Variants in EXOC2 observed in about 807,000 individuals in gnomAD.
The protein encoded by EXOC2 is SEC5-like 1.
A neutral mutation model predicts 131.8 loss-of-function variants in EXOC2; 70 were observed. The ratio of observed to expected loss-of-function variants is 0.53; its 90% CI spans 0.44 to 0.65. EXOC2 has a LOEUF of 0.65. Ranked by LOEUF, EXOC2 falls within the 30% of genes least tolerant of loss-of-function variation. EXOC2 has a pLI of 0.00. For synonymous variants in EXOC2, 411 were observed against 398.4 expected, an observed-to-expected ratio of 1.03 and a Z score of -0.38; for missense variants, 923 against 1,108.6, an observed-to-expected ratio of 0.83 and a Z score of 2.38.
rs879159059 is a variant in EXOC2, at chr6:488,910, G to T, written c.2681+69C>A. The T allele has an allele frequency of 1.7e-5, 24 of 1,445,356 alleles. No homozygotes were observed. The South Asian group carries it at 2.0e-4, about 12-fold the overall frequency. 89.5% of individuals were successfully genotyped at this position (1,445,356 alleles called of 1,614,324 possible). Reference sequence around the variant, plus strand: ...AGAATCCAAATCATTATTTTTAAAAGGTATTTTAGGAAACAAAACCTTGTT... The same window carrying T: ...AGAATCCAAATCATTATTTTTAAAATGTATTTTAGGAAACAAAACCTTGTT... On this transcript the variant is annotated intron_variant, in intron 27 of 27. Coordinates refer to ENST00000230449, the MANE Select transcript of EXOC2 (RefSeq NM_018303.6).
rs529474611 is a variant in EXOC2, at chr6:564,545, C to T, written c.1667G>A (p.Arg556Lys). 1 of 1,614,160 alleles carries T rather than the reference C, an allele frequency of 6.2e-7. No homozygotes were observed. Among genetic ancestry groups the T allele is most frequent in the Non-Finnish European group, 8.5e-7 (1 of 1,180,032 alleles). ...TCTCTGAGAATGTGTCCATACTCACCTTACAGTCTGGATGGCGTGAGCGAG... is the reference window on the plus strand; with the variant it reads ...TCTCTGAGAATGTGTCCATACTCACTTTACAGTCTGGATGGCGTGAGCGAG... ...QWLAHAIQTV[R>K]LTHESLTALE... Residue 556 changes from arginine (R) to lysine (K), a missense_variant and splice_region_variant, in exon 15 of 28, where the codon AGA becomes AAA. Coordinates refer to ENST00000230449, the MANE Select transcript of EXOC2 (RefSeq NM_018303.6).
intron 1 of EXOC2, among the ~76,000 whole-genome samples, chr6:690,967 C>T (rs1764897941): frequency 6.6e-6 from 1 of 152,098 alleles, no homozygotes; most frequent in Non-Finnish European, 1.5e-5. Flanking sequence ...TCAACAGTGA[C>T]CTAAAATTCA....
At chr6:608,893 C>T (rs1760572260) in intron 7 of EXOC2, among the ~76,000 whole-genome samples, 1 of 152,182 alleles carries the variant, frequency 6.6e-6, no homozygotes, top group Non-Finnish European at 1.5e-5. Flanking sequence ...CTTCCAAGAT[C>T]TTAAAATGTC....
At chr6:502,012 C>T (rs1764238301) in intron 23 of EXOC2, among the ~76,000 whole-genome samples, 1 of 152,170 alleles carries the variant, frequency 6.6e-6, no homozygotes. Context: ...ACTGCTCCCG[C>T]TGCTGTGGGG....
chr6:578,796 AG>A (rs1157028003), intron 11 of EXOC2, among the ~76,000 whole-genome samples: 1 of 152,228 alleles, frequency 6.6e-6, no homozygotes, highest in African/African-American at 2.4e-5. Flanking sequence ...AATACAGTGA[AG>A]AAAGTATTTT....
At chr6:541,627 C>T (rs565336456) in intron 22 of EXOC2, among the ~76,000 whole-genome samples, 6 of 151,970 alleles carry the variant, frequency 3.9e-5, no homozygotes, top group Admixed American at 1.3e-4. Flanking sequence ...CACATCGCAG[C>T]TGAGGTTGAA....
intron 7 of EXOC2, among the ~76,000 whole-genome samples, chr6:609,079 G>C (rs536281484): frequency 6.6e-6 from 1 of 152,308 alleles, no homozygotes; most frequent in Non-Finnish European, 1.5e-5. Context: ...CCTAAATTTA[G>C]AATGAAATCC....
chr6:630,644 C>A (rs900318225), intron 3 of EXOC2, among the ~76,000 whole-genome samples: 1 of 152,130 alleles, frequency 6.6e-6, no homozygotes, highest in Non-Finnish European at 1.5e-5. Flanking sequence ...CTTTTATTTT[C>A]TTTTCCTCTA....
chr6:578,499 C>CT (rs1237655038), intron 11 of EXOC2, among the ~76,000 whole-genome samples: 2 of 152,184 alleles, frequency 1.3e-5, no homozygotes, highest in African/African-American at 4.8e-5. Flanking sequence ...TAAGAAAAGG[C>CT]TTGATCTGAC....
rs1190901395 is a variant in EXOC2 at position 569,528 on chromosome 6, G to A, written c.1443+2992C>T. ...TTTAAAAACTATCATGCTTTCTTGT[G>A]TGAGATTAAATAGCTATCAAAAGCC... On this transcript the variant is annotated intron_variant, in intron 13 of 27. Transcript: ENST00000230449. Among the ~76,000 whole-genome samples, 3 of 152,214 alleles carry A rather than the reference G, an allele frequency of 2.0e-5. No homozygotes were observed. The South Asian group carries it at 6.2e-4, about 31-fold the overall frequency.
At chr6:516,980 C>G (rs574883050) in intron 23 of EXOC2, among the ~76,000 whole-genome samples, 16 of 152,246 alleles carry the variant, frequency 1.1e-4, no homozygotes, top group Non-Finnish European at 1.8e-4. Context: ...GGGAGCAGGT[C>G]CAGCTGGCAA....
intron 23 of EXOC2, among the ~76,000 whole-genome samples, chr6:517,545 A>C (rs1402456691): frequency 1.5e-4 from 2 of 13,304 alleles, no homozygotes; most frequent in Admixed American, 1.7e-3. Context: ...CTTAATGAAA[A>C]AAACTTAGTG....
intron 20 of EXOC2, among the ~76,000 whole-genome samples, chr6:554,345 CTT>C (rs1561850302): frequency 6.6e-6 from 1 of 152,254 alleles, no homozygotes; most frequent in East Asian, 1.9e-4. Flanking sequence ...CGGCCAGAAA[CTT>C]TTAATAAGTG....
chr6:622,186 C>A (rs1761326295), intron 4 of EXOC2, among the ~76,000 whole-genome samples: 1 of 152,230 alleles, frequency 6.6e-6, no homozygotes, highest in Non-Finnish European at 1.5e-5. Context: ...GACCTTCCTT[C>A]TAGACACGGC....
chr6:518,382 T>G (rs1197903418), intron 23 of EXOC2, among the ~76,000 whole-genome samples: 1 of 152,234 alleles, frequency 6.6e-6, no homozygotes, highest in Non-Finnish European at 1.5e-5. Context: ...AAAATTTCCA[T>G]AACCAAAAGT....
intron 23 of EXOC2, among the ~76,000 whole-genome samples, chr6:526,633 T>C (rs192751596): frequency 3.8e-4 from 57 of 151,950 alleles, no homozygotes; most frequent in Non-Finnish European, 1.5e-5. Context: ...AGAGATGGGG[T>C]TTCTCCATTT....
chr6:656,269 T>C lies in EXOC2; in HGVS notation c.-43-18408A>G, dbSNP rs377338865. 9 of 1,614,072 alleles carry C rather than the reference T, an allele frequency of 5.6e-6. No homozygotes were observed. The African/African-American group carries it at 1.2e-4, about 22-fold the overall frequency. On this transcript the variant is annotated intron_variant, in intron 1 of 27. Coordinates refer to ENST00000230449, the MANE Select transcript of EXOC2 (RefSeq NM_018303.6). ...CGATTGTCCACCCGCACTTGCACCA[T>C]GCTCTCCAGGTCTCTGTTTTCAGGC...
intron 23 of EXOC2, among the ~76,000 whole-genome samples, chr6:501,730 G>A (rs188485156): frequency 4.7e-4 from 65 of 137,906 alleles, no homozygotes; most frequent in East Asian, 1.4e-3. Context: ...ATCTATCTAT[G>A]TATATATATT....
chr6:496,184 A>T (rs1293878834), intron 25 of EXOC2, among the ~76,000 whole-genome samples: 4 of 152,138 alleles, frequency 2.6e-5, no homozygotes, highest in Non-Finnish European at 5.9e-5. Flanking sequence ...GGGTCATCTT[A>T]AGGGTGGCTT....
Sources: gnomAD v4.1 joint callset for allele counts (sites outside exome capture counted in the v4.1 genomes callset) on GRCh38, gnomAD v4.1.1 for gene constraint, MANE v1.5 for transcripts, NCBI Gene and HGNC (gene_info 2026-07-23, HGNC 2026-07-21) for gene names.